Variants in METTL16 observed in about 807,000 individuals in gnomAD.
METTL16 encodes RNA N(6)-adenosine-methyltransferase METTL16.
METTL16 carries 19 observed loss-of-function variants against 57.9 expected under a neutral mutation model. That is an observed-to-expected ratio of 0.33 (90% confidence interval 0.23 to 0.48). The LOEUF is 0.48. METTL16 is among the 20% of genes least tolerant of loss of function. METTL16 has a pLI of 0.99. For missense variants in METTL16, 434 were observed against 691.5 expected (o/e 0.63, Z 4.18); for synonymous variants, 246 against 255.6 (o/e 0.96, Z 0.36).
intron 8 of METTL16, among the ~76,000 whole-genome samples, chr17:2,429,811 GCTT>G (rs998679531): frequency 5.1e-4 from 77 of 151,704 alleles, no homozygotes; most frequent in African/African-American, 1.8e-3. Context: ...AGCTGCTGCT[GCTT>G]CTTTTTTTTT....
At chr17:2,464,107 A>C in intron 6 of METTL16, 101 bp downstream of exon 6, 1 of 1,263,648 alleles carries the variant, frequency 7.9e-7, no homozygotes, top group South Asian at 1.5e-5. Flanking sequence ...TGGCAACAAG[A>C]GCAAGACTCT....
intron 8 of METTL16, among the ~76,000 whole-genome samples, chr17:2,421,935 C>T (rs957396873): frequency 2.0e-5 from 3 of 152,242 alleles, no homozygotes; most frequent in East Asian, 1.9e-4. Flanking sequence ...AAGAAAATCA[C>T]GACTGGCATC....
chr17:2,510,508 G>A (rs542326652), intron 1 of METTL16, among the ~76,000 whole-genome samples: 1 of 152,318 alleles, frequency 6.6e-6, no homozygotes, highest in Admixed American at 6.5e-5. Context: ...AGACATGGCA[G>A]ATTCGATTCA....
intron 6 of METTL16, among the ~76,000 whole-genome samples, chr17:2,445,136 C>T (rs758078502): frequency 1.4e-4 from 21 of 152,130 alleles, no homozygotes; most frequent in African/African-American, 4.8e-4. Context: ...AGGTGTAAGC[C>T]GCCGTGCTCA....
chr17:2,508,025 A>C (rs532003415), intron 1 of METTL16, among the ~76,000 whole-genome samples: 1 of 152,200 alleles, frequency 6.6e-6, no homozygotes, highest in Admixed American at 6.5e-5. Flanking sequence ...GGAAAACCAG[A>C]GACCTTTGTT....
intron 8 of METTL16, among the ~76,000 whole-genome samples, chr17:2,422,939 C>T (rs1391956428): frequency 6.6e-5 from 10 of 152,120 alleles, no homozygotes; most frequent in Non-Finnish European, 4.4e-5. Flanking sequence ...GATGAGATTG[C>T]GCCACTGCAC....
Position 2,419,440 on chromosome 17 carries a change from T to A in METTL16, c.*530A>T. ...CTGCTCCTTCCCAGCATTACTAAGG[T>A]TTCTCTCCCAGATTCCCCACCACCC... On this transcript the variant is annotated 3_prime_UTR_variant, in exon 10 of 10. Transcript: ENST00000263092. The A allele has an allele frequency of 6.1e-6, 2 of 325,990 alleles. No homozygotes were observed. The highest frequency in any genetic ancestry group is 6.1e-6 in the Non-Finnish European group (1 of 163,320). The allele number at this position is 325,990 out of a possible 1,614,324, so 20.2% of individuals were successfully genotyped here.
intron 2 of METTL16, among the ~76,000 whole-genome samples, chr17:2,497,305 CTTTTTTTTTTT>C (rs781130501): frequency 2.2e-4 from 14 of 63,788 alleles, no homozygotes; most frequent in African/African-American, 3.5e-4. Context: ...TGCACCCGGC[CTTTTTTTTTTT>C]TTTTTTTTTT....
intron 2 of METTL16, among the ~76,000 whole-genome samples, chr17:2,488,557 C>A (rs987482640): frequency 6.6e-6 from 1 of 151,872 alleles, no homozygotes; most frequent in Admixed American, 6.6e-5. Flanking sequence ...AGACTCCGTT[C>A]CCCACCCACC....
chr17:2,470,388 A>G (rs2067227838), intron 4 of METTL16, among the ~76,000 whole-genome samples: 1 of 152,190 alleles, frequency 6.6e-6, no homozygotes, highest in Admixed American at 6.5e-5. Flanking sequence ...CTGGAGTAAG[A>G]AGGCAGAGCA....
chr17:2,470,392 C>CAG (rs1324581939), intron 4 of METTL16, among the ~76,000 whole-genome samples: 1 of 152,196 alleles, frequency 6.6e-6, no homozygotes, highest in Non-Finnish European at 1.5e-5. Flanking sequence ...AGTAAGAAGG[C>CAG]AGAGCATTGC....
chr17:2,494,774 C>T (rs923633565), intron 2 of METTL16, among the ~76,000 whole-genome samples: 1 of 151,510 alleles, frequency 6.6e-6, no homozygotes, highest in Admixed American at 6.6e-5. Flanking sequence ...CTGAGGCAGG[C>T]GAATCATGAG....
chr17:2,493,454 C>A (rs958880085), intron 2 of METTL16, among the ~76,000 whole-genome samples: 2 of 151,698 alleles, frequency 1.3e-5, no homozygotes, highest in African/African-American at 4.8e-5. Flanking sequence ...CGCTGTGGCT[C>A]ACACCTGTAA....
intron 2 of METTL16, among the ~76,000 whole-genome samples, chr17:2,478,450 T>C (rs2067281973): frequency 1.3e-5 from 2 of 152,190 alleles, no homozygotes; most frequent in South Asian, 2.1e-4. Context: ...TGACAAATAT[T>C]ACAGACATCA....
intron 6 of METTL16, among the ~76,000 whole-genome samples, chr17:2,452,001 G>T (rs1443476381): frequency 6.6e-6 from 1 of 151,956 alleles, no homozygotes; most frequent in Non-Finnish European, 1.5e-5. Flanking sequence ...GCTGGGCATG[G>T]TGATGCATGC....
chr17:2,500,336 G>T (rs2067478289), intron 2 of METTL16, among the ~76,000 whole-genome samples: 1 of 151,894 alleles, frequency 6.6e-6, no homozygotes, highest in African/African-American at 2.4e-5. Flanking sequence ...GAGTGCAGTG[G>T]CACAATCTCG....
intron 6 of METTL16, 54 bp from the exon 7 acceptor site, chr17:2,441,613 A>C (rs2066952615): frequency 1.6e-6 from 2 of 1,213,394 alleles, no homozygotes; most frequent in African/African-American, 3.1e-5. Context: ...TAAAATTTTA[A>C]ACTAAGCATT....
chr17:2,467,632 T>C, intron 5 of METTL16, 129 bp downstream of exon 5: 1 of 618,628 alleles, frequency 1.6e-6, no homozygotes. Flanking sequence ...TTCACCATGT[T>C]GGCCAGGCTG....
intron 5 of METTL16, among the ~76,000 whole-genome samples, chr17:2,465,272 G>A (rs375003954): frequency 2.7e-4 from 41 of 152,078 alleles, no homozygotes; most frequent in African/African-American, 8.0e-4. Flanking sequence ...GGCCGGGCGC[G>A]GTGGCTCATG....
Sources: gnomAD v4.1 joint callset for allele counts (sites outside exome capture counted in the v4.1 genomes callset) on GRCh38, gnomAD v4.1.1 for gene constraint, MANE v1.5 for transcripts, NCBI Gene and HGNC (gene_info 2026-07-23, HGNC 2026-07-21) for gene names.